MGAM2: variants seen among roughly 807,000 people sequenced by gnomAD.
MGAM2 encodes the protein maltase-glucoamylase 2 (putative).
MGAM2 carries 98 observed loss-of-function variants against 96.1 expected under a neutral mutation model. The ratio of observed to expected loss-of-function variants is 1.02; its 90% confidence interval spans 0.87 to 1.21. The LOEUF (loss-of-function observed/expected upper bound fraction) is 1.21, where lower values mean the gene tolerates loss of function less well. MGAM2 is among the 50% of genes most tolerant of loss of function. MGAM2 has a pLI of 0.00. For missense variants in MGAM2, 2,055 were observed against 1,182.4 expected (o/e 1.74, Z -10.82); for synonymous variants, 749 against 414.8 (o/e 1.81, Z -9.79).
intron 25 of MGAM2, among the ~76,000 whole-genome samples, chr7:142,166,775 G>A (rs147920089): frequency 2.0e-5 from 3 of 152,280 alleles, no homozygotes; most frequent in African/African-American, 7.2e-5. Flanking sequence ...AAAAATGGAT[G>A]TGTTCATTTG....
At chr7:142,189,841 A>C (rs1796815469) in intron 37 of MGAM2, among the ~76,000 whole-genome samples, 2 of 152,202 alleles carry the variant, frequency 1.3e-5, no homozygotes, top group Admixed American at 6.5e-5. Context: ...CCTGAGCCCT[A>C]GCCATTACTC....
intron 32 of MGAM2, among the ~76,000 whole-genome samples, chr7:142,180,656 C>T (rs1331271236): frequency 6.6e-6 from 1 of 152,134 alleles, no homozygotes; most frequent in Non-Finnish European, 1.5e-5. Flanking sequence ...GTTTCCCCTT[C>T]TCTCTCAGGA....
intron 15 of MGAM2, among the ~76,000 whole-genome samples, chr7:142,153,237 T>A (rs1308641571): frequency 6.6e-6 from 1 of 152,166 alleles, no homozygotes; most frequent in East Asian, 1.9e-4. Context: ...CCTGACCTCG[T>A]GATCCACCCG....
In MGAM2 at chr7:142,171,319, C is replaced by G; in HGVS notation, c.3230C>G (p.Ser1077Cys). ...TTCATCTTCAATGACATGTTTCTCT[C>G]CATTTCTACGCGTCTGCCGTCCCAG... ...PGFIFNDMFL[S>C]ISTRLPSQYI... is the part of the protein sequence containing the mutation. Residue 1077 changes from serine (S) to cysteine (C), a missense_variant, in exon 28 of 48, where the codon TCC becomes TGC. Transcript: ENST00000477922. 2.8e-6 allele frequency: 2 copies of G among 702,902 alleles called. No individual in the cohort carries two copies. Among genetic ancestry groups the G allele is most frequent in the Non-Finnish European group, 2.6e-6 (1 of 384,846 alleles). 43.5% of individuals were successfully genotyped at this position (702,902 alleles called of 1,614,324 possible). A position where few individuals can be genotyped will look rare whatever the true frequency, so the allele number is the denominator to read the frequency against.
chr7:142,202,746 CT>C (rs1374877034), intron 45 of MGAM2, among the ~76,000 whole-genome samples: 5 of 152,108 alleles, frequency 3.3e-5, no homozygotes, highest in African/African-American at 9.7e-5. Flanking sequence ...GATTCCATGT[CT>C]TTGTAATTGT....
intron 37 of MGAM2, 141 bp from the exon 38 acceptor site, chr7:142,196,013 C>A (rs766926230): frequency 3.1e-6 from 2 of 644,704 alleles, no homozygotes; most frequent in Non-Finnish European, 5.6e-6. Context: ...TTTAGCATGG[C>A]TTTGAGACAG....
In MGAM2 at chr7:142,164,873, G is replaced by A. The variant is rs756301864; in HGVS notation, c.2502G>A (p.Lys834=). 47 of 698,380 alleles carry A rather than the reference G, an allele frequency of 6.7e-5. No individual in the cohort carries two copies. Among genetic ancestry groups the A allele is most frequent in the South Asian group, 6.6e-4 (44 of 66,422 alleles). The allele number at this position is 698,380 out of a possible 1,614,324, so 43.3% of individuals were successfully genotyped here. ...FSVTSNHLQA[K]IINNNYMDTD... ...CCTCCCAGAACCATCTACAAGCAAA[G>A]ATTATAAATAATAATTATATGGACA... is the stretch of plus-strand genomic sequence containing the variant. The change falls in exon 24 of 48, where the codon AAG becomes AAA. Residue 834 remains lysine, a synonymous_variant. Coordinates refer to ENST00000477922, the MANE Select transcript of MGAM2 (RefSeq NM_001293626.2).
intron 1 of MGAM2, among the ~76,000 whole-genome samples, chr7:142,115,608 G>T (rs180765014): frequency 6.6e-6 from 1 of 152,298 alleles, no homozygotes; most frequent in East Asian, 1.9e-4. Flanking sequence ...CACTTTGGGA[G>T]GCCAAGGTGG....
intron 12 of MGAM2, 142 bp from the exon 13 acceptor site, chr7:142,143,627 T>A (rs554689405): frequency 4.5e-6 from 2 of 444,550 alleles, no homozygotes; most frequent in East Asian, 3.1e-5. Flanking sequence ...ATGCATTTTA[T>A]TGTTTAGTTT....
chr7:142,128,533 T>C lies in MGAM2; in HGVS notation c.187-2415T>C, dbSNP rs560752361. 1.3e-4 allele frequency among the ~76,000 whole-genome samples: 20 copies of C among 152,282 alleles called. 1 individual carries two copies. The highest frequency in any genetic ancestry group is 4.8e-4 in the African/African-American group (20 of 41,580). ...AGCCTCGGACAGAAAAATGGTTCCA[T>C]GGGCCAGGCCCAGGGTCTCCCCTGC... On this transcript the variant is annotated intron_variant, in intron 3 of 47. Transcript: ENST00000477922.
chr7:142,132,064 G>A lies in MGAM2; in HGVS notation c.554G>A (p.Arg185Lys). The change falls in exon 6 of 48, where the codon AGG (arginine) becomes AAG (lysine). Residue 185 changes from arginine to lysine, a missense_variant. Transcript: ENST00000477922. ...TDKPFSIKIMRTSNRRVLLDT... is the reference protein window; with the variant it reads ...TDKPFSIKIMKTSNRRVLLDT... ...AAACCTTTCAGCATCAAAATAATGA[G>A]GACAAGCAACAGAAGAGTCTTGTGA... The A allele has an allele frequency of 2.8e-6, 2 of 702,726 alleles. No individual in the cohort carries two copies. The highest frequency in any genetic ancestry group is 5.2e-6 in the Non-Finnish European group (2 of 384,884). The allele number at this position is 702,726 out of a possible 1,614,324, so 43.5% of individuals were successfully genotyped here. A position where few individuals can be genotyped will look rare whatever the true frequency, so the allele number is the denominator to read the frequency against.
chr7:142,158,739 G>A (rs1457385571), intron 19 of MGAM2, among the ~76,000 whole-genome samples: 3 of 152,168 alleles, frequency 2.0e-5, no homozygotes, highest in African/African-American at 7.2e-5. Context: ...AGGAGTGCTG[G>A]GCAAAGGGAA....
At chr7:142,156,845 C>T (rs1401378681) in intron 17 of MGAM2, among the ~76,000 whole-genome samples, 2 of 152,134 alleles carry the variant, frequency 1.3e-5, no homozygotes, top group Non-Finnish European at 2.9e-5. Flanking sequence ...CAAAAGATGA[C>T]GTGTATGTCT....
Position 142,222,147 on chromosome 7 carries a change from T to TA in MGAM2, c.*89dup. ...AAAATCAGTTACGAGACACTCTATC[T>TA]ATCTTATGCTACTTAAGTTTTCACG... On this transcript the variant is annotated 3_prime_UTR_variant, in exon 48 of 48. Transcript: ENST00000477922. The TA allele has an allele frequency of 2.5e-6, 1 of 396,642 alleles. No individual in the cohort carries two copies. The highest frequency in any genetic ancestry group is 4.4e-6 in the Non-Finnish European group (1 of 224,996). The allele number at this position is 396,642 out of a possible 1,614,324, so 24.6% of individuals were successfully genotyped here. A position where few individuals can be genotyped will look rare whatever the true frequency, so the allele number is the denominator to read the frequency against.
In MGAM2 at chr7:142,164,898, A is replaced by G; in HGVS notation, c.2527A>G (p.Thr843Ala). ...GATTATAAATAATAATTATATGGAC[A>G]CTGACAACCTCATGTTCACAGATAT... The part of the protein sequence containing the change: ...AKIINNNYMD[T>A]DNLMFTDITI... Residue 843 changes from threonine to alanine, a missense_variant, in exon 24 of 48, where the codon ACT (threonine) becomes GCT (alanine). Thr to Ala is a moderately conservative substitution (Grantham distance 58). Transcript: ENST00000477922. 2.8e-6 allele frequency: 2 copies of G among 702,242 alleles called. No individual in the cohort carries two copies. Among genetic ancestry groups the G allele is most frequent in the Non-Finnish European group, 5.2e-6 (2 of 384,728 alleles). 43.5% of individuals were successfully genotyped at this position (702,242 alleles called of 1,614,324 possible).
intron 45 of MGAM2, among the ~76,000 whole-genome samples, chr7:142,201,044 T>C (rs1797207882): frequency 6.6e-6 from 1 of 151,168 alleles, no homozygotes; most frequent in Admixed American, 6.6e-5. Context: ...GGTTTTAATT[T>C]TCATTGTTAT....
At chr7:142,173,402 G>C in intron 31 of MGAM2, 48 bp downstream of exon 31, 1 of 693,288 alleles carries the variant, frequency 1.4e-6, no homozygotes, top group East Asian at 2.7e-5. Context: ...ACAGGAATTT[G>C]TGGCTAATTT....
chr7:142,133,647 C>A (rs1452219007), intron 6 of MGAM2, among the ~76,000 whole-genome samples: 2 of 152,026 alleles, frequency 1.3e-5, no homozygotes, highest in African/African-American at 2.4e-5. Context: ...AAAAGGGACT[C>A]AAAATATCCA....
chr7:142,216,192 A>G (rs1165022659), intron 46 of MGAM2, among the ~76,000 whole-genome samples: 1 of 152,152 alleles, frequency 6.6e-6, no homozygotes, highest in Admixed American at 6.5e-5. Context: ...AAATTTGTGT[A>G]TTCTCTGCCC....
Sources: gnomAD v4.1 joint callset for allele counts (sites outside exome capture counted in the v4.1 genomes callset) on GRCh38, gnomAD v4.1.1 for gene constraint, MANE v1.5 for transcripts, NCBI Gene and HGNC (gene_info 2026-07-23, HGNC 2026-07-21) for gene names.